SOCS7: variants seen among roughly 807,000 people sequenced by gnomAD.
The protein encoded by SOCS7 is suppressor of cytokine signaling 7.
A neutral mutation model predicts 58.9 loss-of-function variants in SOCS7; 18 were observed. That is an observed-to-expected ratio of 0.31 (90% CI 0.21 to 0.45). The LOEUF (loss-of-function observed/expected upper bound fraction) is 0.45. Ranked by LOEUF, SOCS7 falls within the 20% of genes least tolerant of loss-of-function variation. The pLI is 1.00. For synonymous variants in SOCS7, 388 were observed against 364.3 expected (o/e 1.06, Z -0.74); for missense variants, 667 against 837.3 (o/e 0.80, Z 2.51).
At position 38,380,460 on chromosome 17, in the gene SOCS7, G is replaced by A. The variant is rs148890738; in HGVS notation, c.1681+2618G>A. Among the ~76,000 whole-genome samples the A allele has an allele frequency of 4.6e-3, 700 of 151,726 alleles. 5 individuals carry two copies. The highest frequency in any genetic ancestry group is 7.3e-3 in the Non-Finnish European group (497 of 67,934). ...AGCCTGACCAACGTGGTGAAACCTCGCCTCTACTAAAAATACAAAATTAGC... is the reference window on the plus strand; with the variant it reads ...AGCCTGACCAACGTGGTGAAACCTCACCTCTACTAAAAATACAAAATTAGC... On this transcript the variant is annotated intron_variant, in intron 7 of 9. Coordinates refer to ENST00000612932, the MANE Select transcript of SOCS7 (RefSeq NM_014598.4).
chr17:38,352,880 C>A lies in SOCS7; in HGVS notation c.828C>A (p.Ile276=). 3 of 1,596,918 alleles carry A rather than the reference C, an allele frequency of 1.9e-6. No individual in the cohort carries two copies. In the South Asian group the frequency reaches 3.4e-5, roughly 18 times the overall value. ...CTTCTCGGAAGGGCTCCTTCAAAATCCGCCTCAGTCGCCTCTTTCGCACCA... is the reference window on the plus strand; with the variant it reads ...CTTCTCGGAAGGGCTCCTTCAAAATACGCCTCAGTCGCCTCTTTCGCACCA... ...AGPSRKGSFK[I]RLSRLFRTKS... is the part of the protein sequence containing the mutation. Residue 276 remains isoleucine, a synonymous_variant, in exon 1 of 10, where the codon ATC becomes ATA. Transcript: ENST00000612932. The surrounding 1 kb of genome is among the most constrained non-coding windows in gnomAD (Gnocchi z 5.5).
At chr17:38,354,998 CA>C (rs1259931353) in intron 1 of SOCS7, among the ~76,000 whole-genome samples, 2 of 152,194 alleles carry the variant, frequency 1.3e-5, no homozygotes, top group Non-Finnish European at 2.9e-5. Flanking sequence ...TGCTGCAGAG[CA>C]AATTGGGCTG....
At chr17:38,382,574 C>T (rs748280040) in intron 7 of SOCS7, among the ~76,000 whole-genome samples, 7 of 152,068 alleles carry the variant, frequency 4.6e-5, no homozygotes, top group South Asian at 2.1e-4. Context: ...CAACCTCCTC[C>T]GCCTCCCGAG....
chr17:38,398,233 G>T (rs1441235342), intron 9 of SOCS7, among the ~76,000 whole-genome samples: 1 of 151,778 alleles, frequency 6.6e-6, no homozygotes, highest in Non-Finnish European at 1.5e-5. Flanking sequence ...ACTTCCCAAG[G>T]GAAAGGTCTT....
chr17:38,367,200 T>A (rs8081470), intron 5 of SOCS7, among the ~76,000 whole-genome samples: 12 of 150,452 alleles, frequency 8.0e-5, no homozygotes, highest in Non-Finnish European at 1.5e-5. Context: ...GAGTAGCTGG[T>A]ATTACAGGCG....
At chr17:38,378,265 T>C (rs914299032) in intron 7 of SOCS7, among the ~76,000 whole-genome samples, 1 of 152,058 alleles carries the variant, frequency 6.6e-6, no homozygotes, top group African/African-American at 2.4e-5. Context: ...TGGCTAGGCG[T>C]GGTGGCTCAT....
In SOCS7 at chr17:38,395,961, C is replaced by T. The variant is rs2144405705; in HGVS notation, c.1931C>T (p.Ser644Phe). Residue 644 changes from serine to phenylalanine, a missense_variant, in exon 9 of 10, where the codon TCC becomes TTC. By Grantham distance (155) the Ser-to-Phe change is radical (BLOSUM62 -2). Around this residue, in one of 9 missense-constraint regions of SOCS7, gnomAD observed 40 missense variants for 45.6 expected, o/e 0.88. Coordinates refer to ENST00000612932, the MANE Select transcript of SOCS7 (RefSeq NM_014598.4). The part of the protein sequence containing the change: ...ISKQKQEVEP[S>F]T ...AAACAGAAGCAAGAGGTGGAACCCT[C>T]CACGTAGCGAGGGGCTCCCTGCTGG... 1 of 1,604,432 alleles carries T rather than the reference C, an allele frequency of 6.2e-7. No individual in the cohort carries two copies. Among genetic ancestry groups the T allele is most frequent in the African/African-American group, 1.3e-5 (1 of 74,326 alleles).
intron 7 of SOCS7, among the ~76,000 whole-genome samples, chr17:38,382,681 G>A (rs1007698107): frequency 6.6e-6 from 1 of 151,970 alleles, no homozygotes; most frequent in African/African-American, 2.4e-5. Context: ...TAGAGACGGG[G>A]TTTCACCATG....
intron 7 of SOCS7, among the ~76,000 whole-genome samples, chr17:38,390,469 C>T (rs568610931): frequency 2.6e-5 from 4 of 151,958 alleles, no homozygotes; most frequent in Admixed American, 1.3e-4. Flanking sequence ...ATTTTAATAC[C>T]CCCATGTTGG....
intron 1 of SOCS7, among the ~76,000 whole-genome samples, chr17:38,357,604 G>A (rs1555566984): frequency 1.3e-5 from 2 of 152,230 alleles, no homozygotes; most frequent in African/African-American, 4.8e-5. Flanking sequence ...AGATGTCTGT[G>A]TATTGGAACT....
In SOCS7 at chr17:38,361,701, C is replaced by T. The variant is rs1555567592; in HGVS notation, c.981-10C>T. 1.4e-5 allele frequency: 22 copies of T among 1,610,552 alleles called. No homozygotes were observed. The highest frequency in any genetic ancestry group is 1.9e-5 in the Non-Finnish European group (22 of 1,176,974). On this transcript the variant is annotated splice_polypyrimidine_tract_variant and intron_variant, in intron 1 of 9. Coordinates refer to ENST00000612932, the MANE Select transcript of SOCS7 (RefSeq NM_014598.4). ...CCCCTCTATTCTCTCTCTGCTTTCTCACTCCCTAGGAAACCCAAGTTGACA... is the reference window on the plus strand; with the variant it reads ...CCCCTCTATTCTCTCTCTGCTTTCTTACTCCCTAGGAAACCCAAGTTGACA...
chr17:38,376,051 C>G (rs2037927172), intron 6 of SOCS7: 4 of 152,070 alleles, frequency 2.6e-5, no homozygotes, highest in Admixed American at 1.3e-4. Context: ...GACCAAACTT[C>G]TAAATAAAGA....
chr17:38,386,946 C>T (rs535061666), intron 7 of SOCS7, among the ~76,000 whole-genome samples: 2 of 150,234 alleles, frequency 1.3e-5, no homozygotes, highest in East Asian at 2.0e-4. Flanking sequence ...ATTAGCTGGG[C>T]GTGGTGGTGG....
At chr17:38,380,332 A>G (rs2037984654) in intron 7 of SOCS7, among the ~76,000 whole-genome samples, 1 of 152,056 alleles carries the variant, frequency 6.6e-6, no homozygotes, top group Non-Finnish European at 1.5e-5. Context: ...ATATAGATCA[A>G]TCTATTAAAA....
intron 7 of SOCS7, among the ~76,000 whole-genome samples, chr17:38,381,089 T>C (rs1286527876): frequency 6.6e-6 from 1 of 152,128 alleles, no homozygotes; most frequent in Non-Finnish European, 1.5e-5. Flanking sequence ...GAAAGTTTGC[T>C]GGCATTTGTG....
rs1344672065 is a variant in SOCS7 at position 38,352,855 on chromosome 17, C to G, written c.803C>G (p.Pro268Arg). Residue 268 changes from proline (P) to arginine (R), a missense_variant, in exon 1 of 10, where the codon CCT (proline) becomes CGT (arginine). Physicochemically the swap from Pro to Arg is moderately radical, Grantham distance 103. Transcript: ENST00000612932. The surrounding 1 kb of genome is among the most constrained non-coding windows in gnomAD (Gnocchi z 5.5). ...PPGPLRPLAG[P>R]SRKGSFKIRL... Reference sequence around the variant, plus strand: ...GGGCCCCTCCGGCCACTCGCGGGTCCTTCTCGGAAGGGCTCCTTCAAAATC... The same window carrying G: ...GGGCCCCTCCGGCCACTCGCGGGTCGTTCTCGGAAGGGCTCCTTCAAAATC... 6.3e-7 allele frequency: 1 copy of G among 1,586,194 alleles called. No homozygotes were observed.
intron 1 of SOCS7, among the ~76,000 whole-genome samples, chr17:38,361,024 C>A (rs755355670): frequency 6.6e-6 from 1 of 152,188 alleles, no homozygotes; most frequent in South Asian, 2.1e-4. Context: ...ACCAAAAGAT[C>A]TGGGTTTTCA....
intron 2 of SOCS7, among the ~76,000 whole-genome samples, chr17:38,363,823 A>C (rs774746465): frequency 9.9e-5 from 15 of 152,180 alleles, no homozygotes; most frequent in African/African-American, 1.4e-4. Context: ...TTAAAAAAAA[A>C]GGTGTTGGAA....
chr17:38,357,173 G>A (rs1555566919), intron 1 of SOCS7, among the ~76,000 whole-genome samples: 1 of 152,282 alleles, frequency 6.6e-6, no homozygotes, highest in South Asian at 2.1e-4. Flanking sequence ...CCCTGCTGTC[G>A]TGGACAGGCC....
Sources: allele counts gnomAD v4.1 joint callset (sites outside exome capture counted in the v4.1 genomes callset), GRCh38; gene constraint gnomAD v4.1.1; regional missense constraint gnomAD v4.1.1; non-coding constraint Gnocchi (gnomAD v3.1); transcripts MANE v1.5; gene names NCBI Gene and HGNC (gene_info 2026-07-23, HGNC 2026-07-21).